The following NLRP14 variants were observed in gnomAD, a reference collection of about 807,000 sequenced individuals.
The protein encoded by NLRP14 is NACHT, LRR and PYD domains-containing protein 14.
Under a neutral mutation model 94.7 loss-of-function variants are expected in NLRP14, and 105 were observed. That is an observed-to-expected ratio of 1.11 (90% CI 0.95 to 1.30). The LOEUF is 1.30. NLRP14 is among the 50% of genes most tolerant of loss of function. The pLI is 0.00. For missense variants in NLRP14, 1,362 were observed against 1,254.1 expected (o/e 1.09, Z -1.30); for synonymous variants, 508 against 459.9 (o/e 1.10, Z -1.34).
At chr11:7,054,177 T>C (rs1039843019) in intron 6 of NLRP14, among the ~76,000 whole-genome samples, 11 of 152,196 alleles carry the variant, frequency 7.2e-5, no homozygotes, top group African/African-American at 2.4e-4. Context: ...AGTGTGTGTA[T>C]GTACCACATT....
the NLRP14 span, among the ~76,000 whole-genome samples, chr11:7,088,513 A>G: frequency 0.041 from 6,304 of 152,252 alleles, 366 homozygotes; most frequent in African/African-American, 0.13. Flanking sequence ...TAAACAATAA[A>G]TCCAATAAAT....
intron 10 of NLRP14, among the ~76,000 whole-genome samples, chr11:7,063,205 A>G (rs1000547569): frequency 9.9e-5 from 15 of 152,106 alleles, no homozygotes; most frequent in African/African-American, 3.4e-4. Context: ...ATTTTATCCT[A>G]CTTACAACCT....
In NLRP14 at chr11:7,043,819, C is replaced by T. The variant is rs148807230; in HGVS notation, c.1793C>T (p.Ala598Val). Reference protein sequence around the residue: ...ETQDKAFISQAMRCFPKVAIN... With the variant: ...ETQDKAFISQVMRCFPKVAIN... ...CAAGATAAAGCGTTTATAAGCCAGG[C>T]AATGAGATGTTTCCCAAAGGTTGCC... Residue 598 changes from alanine (A) to valine (V), a missense_variant, in exon 4 of 12, where the codon GCA becomes GTA. Physicochemically the swap from Ala to Val is moderately conservative, Grantham distance 64. Transcript: ENST00000299481. The T allele has an allele frequency of 6.2e-7, 1 of 1,614,126 alleles. No homozygotes were observed. The highest frequency in any genetic ancestry group is 8.5e-7 in the Non-Finnish European group (1 of 1,179,998).
intron 10 of NLRP14, among the ~76,000 whole-genome samples, chr11:7,068,459 C>A (rs747878537): frequency 6.6e-6 from 1 of 152,066 alleles, no homozygotes; most frequent in South Asian, 2.1e-4. Context: ...TTCCCTAGAA[C>A]TTTTTTCTTC....
intron 6 of NLRP14, among the ~76,000 whole-genome samples, chr11:7,051,835 A>G (rs1166904380): frequency 6.6e-6 from 1 of 152,090 alleles, no homozygotes; most frequent in East Asian, 1.9e-4. Flanking sequence ...GTTGGCCAGG[A>G]TGGTCTCGAT....
At chr11:7,090,059 C>T in the NLRP14 span, 4 of 1,612,922 alleles carry the variant, frequency 2.5e-6, no homozygotes, top group East Asian at 6.7e-5. Flanking sequence ...AGTACCGGGG[C>T]TACTCACCCG....
chr11:7,046,119 C>T (rs77018717), intron 4 of NLRP14, among the ~76,000 whole-genome samples: 2,060 of 152,128 alleles, frequency 0.014, 54 homozygotes, highest in African/African-American at 0.047. Flanking sequence ...TTTGTGTACC[C>T]TTTAAAATGC....
At chr11:7,050,719 A>G (rs1852431045) in intron 6 of NLRP14, among the ~76,000 whole-genome samples, 3 of 152,218 alleles carry the variant, frequency 2.0e-5, no homozygotes, top group Admixed American at 2.0e-4. Flanking sequence ...ATCGGTTTTT[A>G]TAAGATGGAA....
At position 7,033,125 on chromosome 11, in the gene NLRP14, C is replaced by T. The variant is rs190164747; in HGVS notation, c.-21-5441C>T. On this transcript the variant is annotated intron_variant, in intron 1 of 11. Coordinates refer to ENST00000299481, the MANE Select transcript of NLRP14 (RefSeq NM_176822.4). ...CTTTGCTGTTTAGGATTTCATTGTACGAATTTACCACAATGTATTGATTGG... is the reference window on the plus strand; with the variant it reads ...CTTTGCTGTTTAGGATTTCATTGTATGAATTTACCACAATGTATTGATTGG... Among the ~76,000 whole-genome samples, 298 of 152,246 alleles carry T rather than the reference C, an allele frequency of 2.0e-3. 1 individual carries two copies. Among genetic ancestry groups the T allele is most frequent in the African/African-American group, 6.6e-3 (275 of 41,542 alleles).
At chr11:7,071,135 T>A (rs370816844) in intron 11 of NLRP14, 38 bp from the exon 12 acceptor site, 1 of 1,612,954 alleles carries the variant, frequency 6.2e-7, no homozygotes, top group Non-Finnish European at 8.5e-7. Context: ...TGTAGGGAAA[T>A]TGAATGCAGG....
intron 3 of NLRP14, among the ~76,000 whole-genome samples, chr11:7,041,831 A>C (rs377737705): frequency 6.8e-4 from 103 of 152,314 alleles, no homozygotes; most frequent in African/African-American, 2.4e-3. Flanking sequence ...ATCAGACTTA[A>C]ACAAGTAAAG....
In NLRP14 at chr11:7,039,701, G is replaced by C. The variant is rs2119603445; in HGVS notation, c.290-13G>C. On this transcript the variant is annotated splice_polypyrimidine_tract_variant and intron_variant, in intron 2 of 11. Coordinates refer to ENST00000299481, the MANE Select transcript of NLRP14 (RefSeq NM_176822.4). Reference sequence around the variant, plus strand: ...TTCATTAAATATCATGATCCTATCGGAACCTGTTGCAGGGTCGGCCCAGAC... The same window carrying C: ...TTCATTAAATATCATGATCCTATCGCAACCTGTTGCAGGGTCGGCCCAGAC... 1.2e-6 allele frequency: 2 copies of C among 1,607,688 alleles called. No individual in the cohort carries two copies. The highest frequency in any genetic ancestry group is 2.2e-5 in the South Asian group (2 of 90,918).
chr11:7,072,618 A>G (rs1273643946), downstream of NLRP14, among the ~76,000 whole-genome samples: 1 of 151,940 alleles, frequency 6.6e-6, no homozygotes, highest in Non-Finnish European at 1.5e-5. Flanking sequence ...GCCTGTCACC[A>G]CTTGTGAGAG....
At chr11:7,025,423 C>A (rs1743883467) in intron 1 of NLRP14, among the ~76,000 whole-genome samples, 1 of 151,854 alleles carries the variant, frequency 6.6e-6, no homozygotes, top group Non-Finnish European at 1.5e-5. Flanking sequence ...GAAAGTACTC[C>A]AAACAAATAA....
Position 7,058,416 on chromosome 11 carries a change from C to A in NLRP14, c.2599C>A (p.Leu867Met), listed in dbSNP as rs777121693. The A allele has an allele frequency of 1.9e-6, 3 of 1,612,654 alleles. No individual in the cohort carries two copies. Among genetic ancestry groups the A allele is most frequent in the South Asian group, 1.1e-5 (1 of 91,044 alleles). ...DGGVKLMSDA[L>M]QHAQCTLKSL... is the part of the protein sequence containing the mutation. ...TGGAGTAAAGCTTATGAGTGATGCC[C>A]TGCAACATGCACAATGTACTCTGAA... Residue 867 changes from leucine to methionine, a missense_variant, in exon 8 of 12, where the codon CTG (leucine) becomes ATG (methionine). Leu to Met is a conservative substitution (Grantham distance 15). Transcript: ENST00000299481.
At chr11:7,039,394 A>T (rs969775350) in intron 2 of NLRP14, among the ~76,000 whole-genome samples, 1 of 151,868 alleles carries the variant, frequency 6.6e-6, no homozygotes, top group South Asian at 2.1e-4. Flanking sequence ...ATTCATATCT[A>T]TTATCTCCTT....
In NLRP14 at chr11:7,062,565, A is replaced by G. The variant is rs974754423; in HGVS notation, c.2975+62A>G. The G allele has an allele frequency of 2.8e-6, 4 of 1,425,296 alleles. No homozygotes were observed. The African/African-American group carries it at 4.2e-5, about 15-fold the overall frequency. The allele number at this position is 1,425,296 out of a possible 1,614,324, so 88.3% of individuals were successfully genotyped here. On this transcript the variant is annotated intron_variant, in intron 10 of 11. Coordinates refer to ENST00000299481, the MANE Select transcript of NLRP14 (RefSeq NM_176822.4). Reference sequence around the variant, plus strand: ...ATTTGGTAGCTAGTATAGCTAGAAGATATTTAGTGTATGGAGAGAGGATAA... The same window carrying G: ...ATTTGGTAGCTAGTATAGCTAGAAGGTATTTAGTGTATGGAGAGAGGATAA...
chr11:7,047,822 C>A (rs1293219695), intron 5 of NLRP14, among the ~76,000 whole-genome samples: 6 of 139,138 alleles, frequency 4.3e-5, no homozygotes, highest in Non-Finnish European at 9.1e-5. Context: ...TGTAGTGGCA[C>A]AATCTCGGCT....
At chr11:7,073,535 C>T (rs558126723), downstream of NLRP14, among the ~76,000 whole-genome samples, 1 of 152,194 alleles carries the variant, frequency 6.6e-6, no homozygotes, top group African/African-American at 2.4e-5. Context: ...GGATCTCAGT[C>T]CCACAAGACT....
Sources: allele counts gnomAD v4.1 joint callset (sites outside exome capture counted in the v4.1 genomes callset), GRCh38; gene constraint gnomAD v4.1.1; transcripts MANE v1.5; gene names NCBI Gene and HGNC (gene_info 2026-07-23, HGNC 2026-07-21).